Variants in IRAG1 observed in about 807,000 individuals in gnomAD.
IRAG1 encodes the protein inositol 1,4,5-triphosphate receptor associated 1, also known as IP3R-associated cGMP kinase substrate.
In IRAG1, 62 loss-of-function variants were observed where a neutral mutation model predicts 106.2. The ratio of observed to expected loss-of-function variants is 0.58; its 90% CI spans 0.48 to 0.72. The LOEUF (loss-of-function observed/expected upper bound fraction) is 0.72. Ranked by LOEUF, IRAG1 falls within the 30% of genes least tolerant of loss-of-function variation. The pLI, the probability that IRAG1 is intolerant of heterozygous loss-of-function variation, is 0.00. For missense variants in IRAG1, 1,064 were observed against 1,140.7 expected (o/e 0.93, Z 0.97); for synonymous variants, 462 against 443.9 (o/e 1.04, Z -0.51).
Position 10,576,573 on chromosome 11 carries a change from T to C in IRAG1, c.2498A>G (p.Lys833Arg). Residue 833 changes from lysine to arginine, a missense_variant and splice_region_variant, in exon 21 of 21, where the codon AAA becomes AGA. Lys to Arg is a conservative substitution (Grantham distance 26). Coordinates refer to ENST00000423302, the MANE Select transcript of IRAG1 (RefSeq NM_130385.4). The stretch of plus-strand genomic sequence containing the variant: ...TAAGAAATGGACCAATTCTTCAAGT[T>C]TGCTGTCAATGAAAAAAAATATGCA... Reference protein sequence around the residue: ...EEEEKGPRSSKLEELVHFLQV... With the variant: ...EEEEKGPRSSRLEELVHFLQV... The C allele has an allele frequency of 6.2e-7, 1 of 1,613,966 alleles. No individual in the cohort carries two copies. Among genetic ancestry groups the C allele is most frequent in the African/African-American group, 1.3e-5 (1 of 75,032 alleles).
At chr11:10,601,175 C>A in intron 14 of IRAG1, 116 bp from the exon 15 acceptor site, 1 of 1,395,268 alleles carries the variant, frequency 7.2e-7, no homozygotes, top group Non-Finnish European at 9.7e-7. Flanking sequence ...AGGGACAAGA[C>A]TCTGCCCTCT....
At chr11:10,672,256 T>C (rs951049305) in intron 1 of IRAG1, among the ~76,000 whole-genome samples, 5 of 152,180 alleles carry the variant, frequency 3.3e-5, no homozygotes, top group African/African-American at 9.7e-5. Flanking sequence ...AGCATGTGAG[T>C]AAATCTTGGT....
At chr11:10,667,426 A>G (rs997759319) in intron 1 of IRAG1, among the ~76,000 whole-genome samples, 1 of 152,200 alleles carries the variant, frequency 6.6e-6, no homozygotes, top group African/African-American at 2.4e-5. Flanking sequence ...CAGCACTGGA[A>G]GGCCCAAGTT....
At chr11:10,607,060 T>G (rs1007780977) in intron 11 of IRAG1, among the ~76,000 whole-genome samples, 1 of 152,150 alleles carries the variant, frequency 6.6e-6, no homozygotes, top group Non-Finnish European at 1.5e-5. Flanking sequence ...AGAGGTATTA[T>G]AAGCACTATA....
At chr11:10,595,116 G>T (rs145721706) in intron 15 of IRAG1, among the ~76,000 whole-genome samples, 1 of 151,664 alleles carries the variant, frequency 6.6e-6, no homozygotes, top group Admixed American at 6.6e-5. Flanking sequence ...GTAGAAACAG[G>T]GTTTCGCCAT....
intron 10 of IRAG1, among the ~76,000 whole-genome samples, chr11:10,619,917 G>A (rs2134497567): frequency 6.6e-6 from 1 of 152,250 alleles, no homozygotes; most frequent in Middle Eastern, 3.4e-3. Context: ...GTGCTTATAG[G>A]AGTCACATTC....
intron 20 of IRAG1, among the ~76,000 whole-genome samples, chr11:10,576,861 T>G (rs1850866259): frequency 6.6e-6 from 1 of 152,236 alleles, no homozygotes; most frequent in Admixed American, 6.5e-5. Flanking sequence ...TAGATCATTC[T>G]ACTTAATTGT....
At position 10,628,139 on chromosome 11, in the gene IRAG1, G is replaced by A. The variant is rs899418309; in HGVS notation, c.653-114C>T. ...TCCCTTTGCAATCTCAGGCCTGGAA[G>A]ATTTGCTGACTACCTCCCGTGTGCC... On this transcript the variant is annotated intron_variant, in intron 6 of 20. Transcript: ENST00000423302. This position sits in a 1 kb window ranked among gnomAD's most constrained non-coding sequence, Gnocchi z 4.1. The A allele has an allele frequency of 1.1e-5, 13 of 1,184,250 alleles. No homozygotes were observed. In the African/African-American group the frequency reaches 1.5e-4, roughly 14 times the overall value. The allele number at this position is 1,184,250 out of a possible 1,614,324, so 73.4% of individuals were successfully genotyped here.
At chr11:10,638,400 T>A (rs1857288294) in intron 2 of IRAG1, among the ~76,000 whole-genome samples, 1 of 152,200 alleles carries the variant, frequency 6.6e-6, no homozygotes, top group East Asian at 1.9e-4. Context: ...GTAGTTTTCA[T>A]CCTGGCCTGG....
At chr11:10,594,275 G>C (rs1001884530) in intron 15 of IRAG1, 80 bp from the exon 16 acceptor site, 2 of 1,358,330 alleles carry the variant, frequency 1.5e-6, no homozygotes, top group Non-Finnish European at 2.1e-6. Context: ...CTAGGCTATC[G>C]TATCCATGGG....
At chr11:10,643,169 T>A (rs183492420) in intron 2 of IRAG1, among the ~76,000 whole-genome samples, 1,088 of 66,112 alleles carry the variant, frequency 0.016, 19 homozygotes, top group African/African-American at 0.072. Context: ...AGAGTGAGAC[T>A]CCGTCTCAAA....
chr11:10,589,118 C>G (rs1254391536), intron 18 of IRAG1: 1 of 152,174 alleles, frequency 6.6e-6, no homozygotes, highest in East Asian at 1.9e-4. Context: ...GTGTAACCAG[C>G]TCTCAAGTAT....
chr11:10,644,010 A>G (rs1054831614), intron 2 of IRAG1, among the ~76,000 whole-genome samples: 1 of 151,796 alleles, frequency 6.6e-6, no homozygotes, highest in African/African-American at 2.4e-5. Context: ...CTAAATTCTC[A>G]CAGCTCTTAC....
rs973452867 is a variant in IRAG1, at chr11:10,670,059, C to T, written c.68-17877G>A. 9.2e-5 allele frequency among the ~76,000 whole-genome samples: 14 copies of T among 152,238 alleles called. 1 individual carries two copies. Among genetic ancestry groups the T allele is most frequent in the Non-Finnish European group, 1.5e-5 (1 of 68,040 alleles). On this transcript the variant is annotated intron_variant, in intron 1 of 20. Transcript: ENST00000423302. ...AATCTTGCTTTTCAGTTCCTACTGA[C>T]ATAACCAATTGAGATCAGCAGCACC...
chr11:10,648,713 T>C (rs970394964), intron 2 of IRAG1, among the ~76,000 whole-genome samples: 1 of 152,092 alleles, frequency 6.6e-6, no homozygotes, highest in African/African-American at 2.4e-5. Flanking sequence ...ACAAAGTGCA[T>C]TGTTGGGGGG....
intron 1 of IRAG1, among the ~76,000 whole-genome samples, chr11:10,653,116 G>A (rs1858654494): frequency 1.3e-5 from 2 of 152,168 alleles, no homozygotes; most frequent in Admixed American, 6.5e-5. Context: ...TTAAAGTGGT[G>A]TTCTAGGACC....
At chr11:10,632,940 T>C (rs1856814901) in intron 3 of IRAG1, among the ~76,000 whole-genome samples, 1 of 152,260 alleles carries the variant, frequency 6.6e-6, no homozygotes, top group Non-Finnish European at 1.5e-5. Flanking sequence ...TATATGTATA[T>C]CCATTGCTTG....
At chr11:10,618,208 T>C (rs113792190) in intron 10 of IRAG1, among the ~76,000 whole-genome samples, 2,022 of 152,240 alleles carry the variant, frequency 0.013, 24 homozygotes, top group Middle Eastern at 0.024. Flanking sequence ...GTCCCCCTGC[T>C]TGGGATGACT....
intron 1 of IRAG1, among the ~76,000 whole-genome samples, chr11:10,663,757 G>T (rs946707508): frequency 6.6e-6 from 1 of 152,160 alleles, no homozygotes. Flanking sequence ...TGAAAGCAAG[G>T]ACTCTAGGAA....
Sources: gnomAD v4.1 joint callset for allele counts (sites outside exome capture counted in the v4.1 genomes callset) on GRCh38, gnomAD v4.1.1 for gene constraint, Gnocchi (gnomAD v3.1) non-coding constraint, MANE v1.5 for transcripts, NCBI Gene and HGNC (gene_info 2026-07-23, HGNC 2026-07-21) for gene names.